Variants in PLEKHA5 observed in about 807,000 individuals in gnomAD.
PLEKHA5 encodes pleckstrin homology domain-containing family A member 5.
In PLEKHA5, 55 loss-of-function variants were observed where a neutral mutation model predicts 181.9. The ratio of observed to expected loss-of-function variants is 0.30; its 90% CI spans 0.24 to 0.38. The LOEUF (loss-of-function observed/expected upper bound fraction) is 0.38. Among genes scored for constraint, PLEKHA5 ranks in the 10% least tolerant of loss-of-function variants. The pLI is 1.00. For missense variants in PLEKHA5, 1,432 were observed against 1,549.5 expected, an observed-to-expected ratio of 0.92 and a Z score of 1.27; for synonymous variants, 535 against 529.4, an observed-to-expected ratio of 1.01 and a Z score of -0.15.
At chr12:19,295,483 T>A (rs1416597525) in intron 15 of PLEKHA5, among the ~76,000 whole-genome samples, 1 of 152,194 alleles carries the variant, frequency 6.6e-6, no homozygotes, top group African/African-American at 2.4e-5. Context: ...CCCTGAAGAA[T>A]GAAATATCCT....
intron 13 of PLEKHA5, 114 bp from the exon 14 acceptor site, chr12:19,290,559 ATGTT>A: frequency 6.5e-6 from 5 of 774,914 alleles, no homozygotes; most frequent in East Asian, 2.8e-5. Context: ...CCTAGGCACT[ATGTT>A]TGATGTCAAC....
Position 19,287,424 on chromosome 12 carries a change from GA to G in PLEKHA5, c.1780-39del, listed in dbSNP as rs200910877. 7.6e-3 allele frequency: 7,582 copies of G among 1,000,496 alleles called. 35 individuals are homozygous for G. Among genetic ancestry groups the G allele is most frequent in the Non-Finnish European group, 8.8e-3 (5,845 of 664,684 alleles). 62.0% of individuals were successfully genotyped at this position (1,000,496 alleles called of 1,614,324 possible). ...GATTTCTCCTTGCTGACATTGATAA[GA>G]AAAAAAAAACTTTACCACAGAATTA... On this transcript the variant is annotated intron_variant, in intron 12 of 31. Coordinates refer to ENST00000429027, the MANE Select transcript of PLEKHA5 (RefSeq NM_001256470.2).
intron 20 of PLEKHA5, among the ~76,000 whole-genome samples, chr12:19,325,092 C>A (rs1305332192): frequency 6.6e-6 from 1 of 152,216 alleles, no homozygotes. Context: ...TTAAAAATAT[C>A]TTAATAGAAA....
intron 7 of PLEKHA5, among the ~76,000 whole-genome samples, chr12:19,261,557 A>G (rs2068500100): frequency 6.6e-6 from 1 of 152,166 alleles, no homozygotes; most frequent in African/African-American, 2.4e-5. Flanking sequence ...CATACACCAC[A>G]TGGATCTCTT....
At chr12:19,181,451 G>A (rs749361629) in intron 3 of PLEKHA5, among the ~76,000 whole-genome samples, 2 of 152,178 alleles carry the variant, frequency 1.3e-5, no homozygotes, top group Admixed American at 6.5e-5. Context: ...AAACATTAAT[G>A]TGGCTGTATT....
At chr12:19,297,356 C>T (rs1236421209) in intron 15 of PLEKHA5, among the ~76,000 whole-genome samples, 1 of 151,652 alleles carries the variant, frequency 6.6e-6, no homozygotes, top group African/African-American at 2.4e-5. Context: ...GGCGCGGTGG[C>T]TCACGCCTGT....
At chr12:19,168,527 A>C (rs2151618641) in intron 3 of PLEKHA5, among the ~76,000 whole-genome samples, 1 of 151,944 alleles carries the variant, frequency 6.6e-6, no homozygotes, top group African/African-American at 2.4e-5. Context: ...AAAACTCAGT[A>C]GGAGAAATAA....
At chr12:19,168,375 G>A (rs1455131439) in intron 3 of PLEKHA5, among the ~76,000 whole-genome samples, 1 of 152,078 alleles carries the variant, frequency 6.6e-6, no homozygotes, top group African/African-American at 2.4e-5. Context: ...AAGCTTCAGA[G>A]TTTGTATAAC....
intron 3 of PLEKHA5, chr12:19,207,775 A>C (rs897438988): frequency 6.6e-6 from 1 of 152,184 alleles, no homozygotes; most frequent in Non-Finnish European, 1.5e-5. Context: ...AATTGTAACT[A>C]TGAATTTCTA....
chr12:19,352,320 G>A (rs1414940461), intron 25 of PLEKHA5, among the ~76,000 whole-genome samples: 1 of 151,772 alleles, frequency 6.6e-6, no homozygotes, highest in Non-Finnish European at 1.5e-5. Context: ...AGGAGGCAGA[G>A]GTTGCAGTGA....
chr12:19,177,857 G>A (rs2047679780), intron 3 of PLEKHA5, among the ~76,000 whole-genome samples: 1 of 152,228 alleles, frequency 6.6e-6, no homozygotes, highest in Admixed American at 6.5e-5. Context: ...CTTTCTAGTG[G>A]TAGGAATATT....
intron 3 of PLEKHA5, among the ~76,000 whole-genome samples, chr12:19,215,975 A>G (rs1315702720): frequency 6.6e-6 from 1 of 152,228 alleles, no homozygotes; most frequent in Non-Finnish European, 1.5e-5. Context: ...GCAATAAAAT[A>G]TAGATAAGTT....
At chr12:19,212,227 G>T (rs1413031481) in intron 3 of PLEKHA5, among the ~76,000 whole-genome samples, 3 of 152,192 alleles carry the variant, frequency 2.0e-5, no homozygotes, top group South Asian at 2.1e-4. Flanking sequence ...GGTGAAGGTT[G>T]CAGTGAGCTG....
At chr12:19,296,232 T>TC (rs1199890251) in intron 15 of PLEKHA5, among the ~76,000 whole-genome samples, 1 of 139,604 alleles carries the variant, frequency 7.2e-6, no homozygotes, top group Non-Finnish European at 1.5e-5. Context: ...AGAGTGAGAC[T>TC]CCGTCTGAAA....
intron 7 of PLEKHA5, among the ~76,000 whole-genome samples, chr12:19,262,535 A>C (rs578162027): frequency 6.6e-6 from 1 of 152,198 alleles, no homozygotes; most frequent in African/African-American, 2.4e-5. Context: ...CACCATGCCC[A>C]GCCAAGAATT....
chr12:19,353,603 GC>G (rs1318069249), intron 25 of PLEKHA5, among the ~76,000 whole-genome samples: 1 of 152,138 alleles, frequency 6.6e-6, no homozygotes, highest in African/African-American at 2.4e-5. Flanking sequence ...GGGATTACAG[GC>G]ATGCGCCACC....
chr12:19,172,061 C>T (rs1268296519), intron 3 of PLEKHA5, among the ~76,000 whole-genome samples: 1 of 152,134 alleles, frequency 6.6e-6, no homozygotes, highest in Non-Finnish European at 1.5e-5. Context: ...AGAAGGAGTA[C>T]ACTCTAAAAT....
At position 19,200,777 on chromosome 12, in the gene PLEKHA5, G is replaced by T. The variant is rs2054004565; in HGVS notation, c.228-53163G>T. The T allele has an allele frequency of 4.4e-6, 3 of 678,096 alleles. No homozygotes were observed. The Admixed American group carries it at 1.8e-4, about 42-fold the overall frequency. The allele number at this position is 678,096 out of a possible 1,614,324, so 42.0% of individuals were successfully genotyped here. ...GAAAATGAATGATTCAATAAATGAT[G>T]TTATGATAATTAGATAGATAGCTAT... is the stretch of plus-strand genomic sequence containing the variant. On this transcript the variant is annotated intron_variant, in intron 3 of 31. Transcript: ENST00000429027.
intron 3 of PLEKHA5, among the ~76,000 whole-genome samples, chr12:19,180,144 C>T (rs1055721276): frequency 7.2e-5 from 11 of 152,088 alleles, no homozygotes; most frequent in South Asian, 2.1e-4. Flanking sequence ...TTTTAGAGCA[C>T]GGAAATGCCA....
Sources: gnomAD v4.1 joint callset for allele counts (sites outside exome capture counted in the v4.1 genomes callset) on GRCh38, gnomAD v4.1.1 for gene constraint, MANE v1.5 for transcripts, NCBI Gene and HGNC (gene_info 2026-07-23, HGNC 2026-07-21) for gene names.